Variants in DRC10 observed in about 807,000 individuals in gnomAD.
DRC10 encodes dynein regulatory complex subunit 10.
the DRC10 span, among the ~76,000 whole-genome samples, chr12:113,217,779 T>A: frequency 6.6e-6 from 1 of 152,224 alleles, no homozygotes; most frequent in Non-Finnish European, 1.5e-5. Context: ...TAATCCACCT[T>A]CCTTGGCCTC....
chr12:113,219,704 G>T, the DRC10 span, among the ~76,000 whole-genome samples: 2 of 151,190 alleles, frequency 1.3e-5, no homozygotes, highest in Non-Finnish European at 2.9e-5. Context: ...AGGGTTTTTC[G>T]CTCTGTCGCC....
At chr12:113,209,090 C>A in the DRC10 span, among the ~76,000 whole-genome samples, 2 of 152,078 alleles carry the variant, frequency 1.3e-5, no homozygotes, top group Admixed American at 6.5e-5. Flanking sequence ...CACCACCACG[C>A]CTGGCTAATC....
the DRC10 span, among the ~76,000 whole-genome samples, chr12:113,208,856 G>A: frequency 6.6e-6 from 1 of 152,196 alleles, no homozygotes; most frequent in African/African-American, 2.4e-5. Flanking sequence ...AGCAGGACAG[G>A]GACAGGGCAG....
the DRC10 span, chr12:113,195,658 T>C: frequency 6.2e-7 from 1 of 1,613,384 alleles, no homozygotes; most frequent in Non-Finnish European, 8.5e-7. Context: ...CGCTTCTTCT[T>C]GGATCTGAGC....
the DRC10 span, among the ~76,000 whole-genome samples, chr12:113,204,361 G>A: frequency 6.6e-6 from 1 of 152,174 alleles, no homozygotes; most frequent in African/African-American, 2.4e-5. Flanking sequence ...GCATTCTCTG[G>A]GTTTCTGAAC....
chr12:113,207,698 T>A, the DRC10 span: 3 of 1,614,014 alleles, frequency 1.9e-6, no homozygotes, highest in Non-Finnish European at 2.5e-6. Flanking sequence ...AGCAAGAGTC[T>A]AAGGACGTTC....
the DRC10 span, among the ~76,000 whole-genome samples, chr12:113,216,926 TA>T: frequency 1.3e-5 from 2 of 152,016 alleles, no homozygotes; most frequent in Non-Finnish European, 1.5e-5. Context: ...CAGTCTCTAC[TA>T]AAAATACAGA....
the DRC10 span, chr12:113,207,350 A>C: frequency 8.8e-7 from 1 of 1,140,268 alleles, no homozygotes; most frequent in Non-Finnish European, 1.3e-6. Flanking sequence ...TCCATCTTAA[A>C]AAAAAAATCA....
the DRC10 span, chr12:113,197,591 C>G: frequency 6.5e-7 from 1 of 1,532,850 alleles, no homozygotes; most frequent in Non-Finnish European, 8.7e-7. Context: ...TTCTCGATTT[C>G]CGTTTCCACT....
chr12:113,212,553 CAG>C, the DRC10 span, among the ~76,000 whole-genome samples: 1 of 152,226 alleles, frequency 6.6e-6, no homozygotes, highest in Admixed American at 6.5e-5. Flanking sequence ...CTGAATTCTT[CAG>C]AGAGTGCGGC....
At chr12:113,218,512 G>A in the DRC10 span, among the ~76,000 whole-genome samples, 1 of 151,898 alleles carries the variant, frequency 6.6e-6, no homozygotes, top group Non-Finnish European at 1.5e-5. Context: ...TGCAACCATG[G>A]ATTACTGTAG....
the DRC10 span, chr12:113,205,942 C>CGTG: frequency 2.0e-5 from 3 of 146,544 alleles, no homozygotes; most frequent in South Asian, 2.2e-4. Flanking sequence ...ATAGGCCGGG[C>CGTG]GTGGTGACTC....
the DRC10 span, chr12:113,207,635 C>A: frequency 6.2e-7 from 1 of 1,614,146 alleles, no homozygotes; most frequent in African/African-American, 1.3e-5. Flanking sequence ...TGGGCTTCTG[C>A]ACTTCTACCC....
the DRC10 span, among the ~76,000 whole-genome samples, chr12:113,213,283 T>C: frequency 6.6e-6 from 1 of 151,686 alleles, no homozygotes; most frequent in Non-Finnish European, 1.5e-5. Flanking sequence ...GGGTTACATG[T>C]GCAGGTTTGT....
At chr12:113,196,275 G>A in the DRC10 span, among the ~76,000 whole-genome samples, 1 of 152,144 alleles carries the variant, frequency 6.6e-6, no homozygotes, top group Non-Finnish European at 1.5e-5. Flanking sequence ...TGGACACAAT[G>A]TACTGGACAT....
chr12:113,204,938 A>G, the DRC10 span, among the ~76,000 whole-genome samples: 1 of 147,354 alleles, frequency 6.8e-6, no homozygotes, highest in African/African-American at 2.6e-5. Context: ...AAAAAAAAAA[A>G]TAGTTCGCTG....
chr12:113,197,039 G>T, the DRC10 span, among the ~76,000 whole-genome samples: 1 of 152,176 alleles, frequency 6.6e-6, no homozygotes. Flanking sequence ...TGATGCAGTG[G>T]AGGCAGGCTC....
the DRC10 span, chr12:113,208,283 G>A: frequency 6.9e-7 from 1 of 1,458,516 alleles, no homozygotes; most frequent in Non-Finnish European, 9.0e-7. Context: ...AAGTAGGTGT[G>A]AGTGCAGCTG....
the DRC10 span, among the ~76,000 whole-genome samples, chr12:113,217,115 T>C: frequency 6.6e-6 from 1 of 151,984 alleles, no homozygotes; most frequent in Non-Finnish European, 1.5e-5. Flanking sequence ...AAACAGCCTA[T>C]CTCAAACCCG....
Sources: gnomAD v4.1 joint callset for allele counts (sites outside exome capture counted in the v4.1 genomes callset) on GRCh38, gnomAD v4.1.1 for gene constraint, MANE v1.5 for transcripts, NCBI Gene and HGNC (gene_info 2026-07-23, HGNC 2026-07-21) for gene names.